PRUNE2: variants seen among roughly 807,000 people sequenced by gnomAD.
The protein encoded by PRUNE2 is protein prune homolog 2.
Under a neutral mutation model 252.0 loss-of-function variants are expected in PRUNE2, and 164 were observed. The observed-to-expected ratio is 0.65, with a 90% CI of 0.57 to 0.74. The LOEUF is 0.74. Among genes scored for constraint, PRUNE2 ranks in the 30% least tolerant of loss-of-function variants. PRUNE2 has a pLI of 0.00. For missense variants in PRUNE2, 3,495 were observed against 3,711.0 expected, an observed-to-expected ratio of 0.94 and a Z score of 1.51; for synonymous variants, 1,292 against 1,350.2, an observed-to-expected ratio of 0.96 and a Z score of 0.94.
At chr9:76,702,210 C>T (rs931802944) in intron 9 of PRUNE2, among the ~76,000 whole-genome samples, 75 of 152,108 alleles carry the variant, frequency 4.9e-4, no homozygotes, top group African/African-American at 1.7e-3. Flanking sequence ...CAGGTGCTGC[C>T]ACCACCCCAG....
At chr9:76,808,946 T>A (rs1334143490) in intron 6 of PRUNE2, 1 of 152,262 alleles carries the variant, frequency 6.6e-6, no homozygotes, top group African/African-American at 2.4e-5. Context: ...TAGGGGTAAG[T>A]CCATTTCACT....
At chr9:76,801,040 C>T (rs1230289751) in intron 6 of PRUNE2, among the ~76,000 whole-genome samples, 5 of 152,170 alleles carry the variant, frequency 3.3e-5, no homozygotes, top group Admixed American at 6.5e-5. Context: ...GCAAAGGTTA[C>T]ACACACATGC....
chr9:76,756,999 T>C (rs1338961340), intron 6 of PRUNE2, among the ~76,000 whole-genome samples: 1 of 152,234 alleles, frequency 6.6e-6, no homozygotes, highest in Non-Finnish European at 1.5e-5. Flanking sequence ...TGCAAAACTT[T>C]AGGAAGAAAT....
chr9:76,637,450 C>T lies in PRUNE2; in HGVS notation c.8931G>A (p.Trp2977Ter). Reference protein sequence around the residue: ...TPRRRMPGLGWMKKCYQMIDR... With the variant: ...TPRRRMPGLG Reference sequence around the variant, plus strand: ...CAATCATCTGGTAGCATTTCTTCATCCAGCCTAGCCCTGGCATCCTCCTTC... The same window carrying T: ...CAATCATCTGGTAGCATTTCTTCATTCAGCCTAGCCCTGGCATCCTCCTTC... Residue 2977 changes from tryptophan to a stop codon, truncating the protein, a stop_gained, in exon 14 of 19, where the codon TGG becomes TGA. Coordinates refer to ENST00000376718, the MANE Select transcript of PRUNE2 (RefSeq NM_015225.3). LOFTEE classifies it high-confidence loss of function. 6.2e-7 allele frequency: 1 copy of T among 1,613,696 alleles called. No individual in the cohort carries two copies. The highest frequency in any genetic ancestry group is 8.5e-7 in the Non-Finnish European group (1 of 1,179,786).
At chr9:76,657,524 A>G (rs1390246916) in intron 9 of PRUNE2, among the ~76,000 whole-genome samples, 1 of 152,242 alleles carries the variant, frequency 6.6e-6, no homozygotes. Context: ...CTGCCTGGAT[A>G]TGAGGTTTTA....
At chr9:76,623,871 T>C (rs769309488) in intron 17 of PRUNE2, among the ~76,000 whole-genome samples, 1 of 152,246 alleles carries the variant, frequency 6.6e-6, no homozygotes, top group Non-Finnish European at 1.5e-5. Flanking sequence ...TTGGCATGTG[T>C]TCATTTTATA....
chr9:76,852,979 G>T (rs1293576842), intron 2 of PRUNE2, among the ~76,000 whole-genome samples: 3 of 152,234 alleles, frequency 2.0e-5, no homozygotes, highest in Non-Finnish European at 2.9e-5. Context: ...CTAAACATCA[G>T]TCTGGTTTTG....
At chr9:76,643,914 G>A (rs1368058579) in intron 12 of PRUNE2, among the ~76,000 whole-genome samples, 2 of 152,164 alleles carry the variant, frequency 1.3e-5, no homozygotes, top group Non-Finnish European at 2.9e-5. Flanking sequence ...AGAGAGAACT[G>A]AGAGAGCAAC....
At chr9:76,792,970 G>T (rs374705114) in intron 6 of PRUNE2, among the ~76,000 whole-genome samples, 1 of 152,186 alleles carries the variant, frequency 6.6e-6, no homozygotes, top group East Asian at 1.9e-4. Flanking sequence ...TCCCTGAAAG[G>T]GGGGGCTTAC....
At chr9:76,653,860 G>A (rs190450103) in intron 10 of PRUNE2, among the ~76,000 whole-genome samples, 1 of 152,228 alleles carries the variant, frequency 6.6e-6, no homozygotes, top group Non-Finnish European at 1.5e-5. Context: ...TCTCATTGTA[G>A]TATGCATCTT....
chr9:76,787,845 G>A (rs2055156680), intron 6 of PRUNE2, among the ~76,000 whole-genome samples: 1 of 152,152 alleles, frequency 6.6e-6, no homozygotes, highest in Non-Finnish European at 1.5e-5. Context: ...GCACAGTGCC[G>A]AAGGCCTTAG....
At chr9:76,634,273 A>T (rs1228497410) in intron 15 of PRUNE2, among the ~76,000 whole-genome samples, 1 of 152,198 alleles carries the variant, frequency 6.6e-6, no homozygotes, top group Non-Finnish European at 1.5e-5. Flanking sequence ...ATTATCTTGA[A>T]GCTCCCTTCA....
intron 9 of PRUNE2, among the ~76,000 whole-genome samples, chr9:76,690,049 G>C (rs2044543776): frequency 6.6e-6 from 1 of 152,184 alleles, no homozygotes; most frequent in South Asian, 2.1e-4. Flanking sequence ...AGAAGTTTCA[G>C]ACTAGCCTGA....
chr9:76,843,143 A>C (rs2059483770), intron 4 of PRUNE2, among the ~76,000 whole-genome samples: 2 of 152,362 alleles, frequency 1.3e-5, no homozygotes, highest in South Asian at 4.1e-4. Context: ...TGCAGCCAAA[A>C]AAATAAAGGA....
intron 16 of PRUNE2, among the ~76,000 whole-genome samples, 175 bp from the exon 17 acceptor site, chr9:76,624,665 C>T (rs993842749): frequency 2.6e-5 from 4 of 152,330 alleles, no homozygotes; most frequent in African/African-American, 9.6e-5. Flanking sequence ...CATTGCCTCC[C>T]ATTCAGTGTT....
rs1034052927 is a variant in PRUNE2 at position 76,617,818 on chromosome 9, A to G, written c.9236+1522T>C. Among the ~76,000 whole-genome samples, 10 of 152,340 alleles carry G rather than the reference A, an allele frequency of 6.6e-5. No individual in the cohort carries two copies. The East Asian group carries it at 1.9e-3, about 29-fold the overall frequency. On this transcript the variant is annotated intron_variant, in intron 18 of 18. Coordinates refer to ENST00000376718, the MANE Select transcript of PRUNE2 (RefSeq NM_015225.3). The stretch of plus-strand genomic sequence containing the variant: ...CAAGCAAAGAAGTGGGTAAGCCCCA[A>G]GATGTAGCAGCGATGGGCCAGCCAT...
intron 9 of PRUNE2, chr9:76,692,626 T>C (rs1306872940): frequency 1.3e-5 from 2 of 155,882 alleles, no homozygotes; most frequent in African/African-American, 4.8e-5. Context: ...GTTAGGATGC[T>C]TGTCTAAGAT....
chr9:76,722,567 T>C (rs1055626527), intron 6 of PRUNE2, among the ~76,000 whole-genome samples: 8 of 152,234 alleles, frequency 5.3e-5, no homozygotes, highest in African/African-American at 1.7e-4. Flanking sequence ...AATATGTACA[T>C]GAATATGTAA....
intron 6 of PRUNE2, among the ~76,000 whole-genome samples, chr9:76,769,728 G>A (rs1051524196): frequency 2.6e-5 from 4 of 152,236 alleles, no homozygotes; most frequent in African/African-American, 7.2e-5. Context: ...AATATATGTC[G>A]TTATATTCTG....
Sources: gnomAD v4.1 joint callset for allele counts (sites outside exome capture counted in the v4.1 genomes callset) on GRCh38, gnomAD v4.1.1 for gene constraint, MANE v1.5 for transcripts, NCBI Gene and HGNC (gene_info 2026-07-23, HGNC 2026-07-21) for gene names.